Variants in PSD4 observed in about 807,000 individuals in gnomAD.
PSD4 encodes pleckstrin and Sec7 domain containing 4.
PSD4 carries 59 observed loss-of-function variants against 112.5 expected under a neutral mutation model. That is an observed-to-expected ratio of 0.52 (90% confidence interval 0.43 to 0.65). The LOEUF is 0.65. Among genes scored for constraint, PSD4 ranks in the 30% least tolerant of loss-of-function variants. The pLI, the probability that PSD4 is intolerant of heterozygous loss-of-function variation, is 0.00. For missense variants in PSD4, 1,267 were observed against 1,352.6 expected, an observed-to-expected ratio of 0.94 and a Z score of 0.99; for synonymous variants, 533 against 540.0, an observed-to-expected ratio of 0.99 and a Z score of 0.18.
In PSD4 at chr2:113,193,873, C is replaced by A; in HGVS notation, c.2106C>A (p.Ser702Arg). ...CGTGGCTACAGAACATTGGGAAGAG[C>A]ATGAGCTGCCAGGAATTCATAACCA... ...TDLHGQNIGKSMSCQEFITNL... is the reference protein window; with the variant it reads ...TDLHGQNIGKRMSCQEFITNL... The change falls in exon 10 of 17, where the codon AGC becomes AGA. Residue 702 changes from serine (S) to arginine (R), a missense_variant. Physicochemically the swap from Ser to Arg is moderately radical, Grantham distance 110. Transcript: ENST00000245796. 6.2e-7 allele frequency: 1 copy of A among 1,614,076 alleles called. No homozygotes were observed. The highest frequency in any genetic ancestry group is 8.5e-7 in the Non-Finnish European group (1 of 1,179,988).
rs949909891 is a variant in PSD4 at position 113,198,114 on chromosome 2, C to G, written c.2624+201C>G. The G allele has an allele frequency of 1.7e-5, 11 of 631,696 alleles. No individual in the cohort carries two copies. The East Asian group carries it at 3.3e-4, about 19-fold the overall frequency. The allele number at this position is 631,696 out of a possible 1,614,324, so 39.1% of individuals were successfully genotyped here. ...AGCCCAGGCATCGCCTACTTCCTCC[C>G]CATCCTTGGCCAACTTTGCCAGCAC... On this transcript the variant is annotated intron_variant, in intron 14 of 16. Transcript: ENST00000245796.
intron 9 of PSD4, 79 bp from the exon 10 acceptor site, chr2:113,193,780 T>C (rs773706708): frequency 1.1e-4 from 176 of 1,568,570 alleles, no homozygotes; most frequent in Non-Finnish European, 1.5e-4. Context: ...CTGGAAAGGG[T>C]TCCATGGTTG....
chr2:113,182,717 C>T lies in PSD4; in HGVS notation c.261C>T (p.Cys87=). 1.9e-6 allele frequency: 3 copies of T among 1,604,172 alleles called. No homozygotes were observed. Among genetic ancestry groups the T allele is most frequent in the Non-Finnish European group, 2.6e-6 (3 of 1,173,644 alleles). The change falls in exon 2 of 17, where the codon TGC becomes TGT. Residue 87 remains cysteine, a synonymous_variant. Transcript: ENST00000245796. The part of the protein sequence containing the change: ...SWVHQDGLEP[C]QEQTRATDPP... ...TCCATCAGGACGGGCTGGAGCCTTG[C>T]CAGGAGCAAACCCGGGCCACTGACC... is the stretch of plus-strand genomic sequence containing the variant.
chr2:113,186,367 T>A, intron 5 of PSD4, 112 bp downstream of exon 5: 1 of 1,196,730 alleles, frequency 8.4e-7, no homozygotes. Flanking sequence ...TACCCATATT[T>A]ATTAAGCAAG....
chr2:113,197,988 C>T (rs1688661200), intron 14 of PSD4, 75 bp downstream of exon 14: 3 of 1,420,526 alleles, frequency 2.1e-6, no homozygotes, highest in Admixed American at 2.9e-5. Flanking sequence ...CCTGCTGACA[C>T]CTGAGGCTTG....
rs1244820369 is a variant in PSD4 at position 113,206,493 on chromosome 2, G to C, written c.*5078G>C. Reference sequence around the variant, plus strand: ...CAGACCCTGCACCCAGGCTCAGCCTGATCTTGCCCCAGTGGCCAGGCCCTT... The same window carrying C: ...CAGACCCTGCACCCAGGCTCAGCCTCATCTTGCCCCAGTGGCCAGGCCCTT... On this transcript the variant is annotated 3_prime_UTR_variant, in exon 17 of 17. Transcript: ENST00000245796. 6.6e-6 allele frequency: 1 copy of C among 152,296 alleles called. No individual in the cohort carries two copies. Among genetic ancestry groups the C allele is most frequent in the Non-Finnish European group, 1.5e-5 (1 of 68,068 alleles). 9.4% of individuals were successfully genotyped at this position (152,296 alleles called of 1,614,324 possible).
intron 5 of PSD4, among the ~76,000 whole-genome samples, chr2:113,190,882 T>C (rs1688425531): frequency 6.6e-6 from 1 of 152,280 alleles, no homozygotes; most frequent in Non-Finnish European, 1.5e-5. Context: ...CTATAAGATT[T>C]AAATAAACTT....
rs1342504495 is a variant in PSD4, at chr2:113,183,069, C to A, written c.613C>A (p.Pro205Thr). ...CGGGGACACGGGCCTGCACTCCAGC[C>A]CACCTGAGAATGAAGACTCAGGGGA... ...LPGDTGLHSS[P>T]PENEDSGEDS... The change falls in exon 2 of 17, where the codon CCA (proline) becomes ACA (threonine). Residue 205 changes from proline (P) to threonine (T), a missense_variant. Coordinates refer to ENST00000245796, the MANE Select transcript of PSD4 (RefSeq NM_012455.3). 1 of 1,612,782 alleles carries A rather than the reference C, an allele frequency of 6.2e-7. No individual in the cohort carries two copies. The highest frequency in any genetic ancestry group is 1.1e-5 in the South Asian group (1 of 90,974).
intron 1 of PSD4, among the ~76,000 whole-genome samples, chr2:113,176,691 GA>G (rs1357613385): frequency 6.6e-6 from 1 of 152,224 alleles, no homozygotes; most frequent in African/African-American, 2.4e-5. Flanking sequence ...TTCTGGTTGG[GA>G]TAACAGACAG....
Position 113,182,477 on chromosome 2 carries a change from C to A in PSD4, c.21C>A (p.Leu7=), listed in dbSNP as rs760367781. 6.2e-7 allele frequency: 1 copy of A among 1,612,294 alleles called. No individual in the cohort carries two copies. Among genetic ancestry groups the A allele is most frequent in the Admixed American group, 1.7e-5 (1 of 59,902 alleles). ...AGTGGATGATGGGTGACTACAGACTCCCTGACCACCCCCAGCCCATGGAAA... is the reference window on the plus strand; with the variant it reads ...AGTGGATGATGGGTGACTACAGACTACCTGACCACCCCCAGCCCATGGAAA... MMGDYR[L]PDHPQPMEIL... The change falls in exon 2 of 17, where the codon CTC becomes CTA. Residue 7 remains leucine (L), a synonymous_variant. Coordinates refer to ENST00000245796, the MANE Select transcript of PSD4 (RefSeq NM_012455.3).
intron 2 of PSD4, among the ~76,000 whole-genome samples, 171 bp from the exon 3 acceptor site, chr2:113,184,786 A>G (rs1007508256): frequency 6.6e-6 from 1 of 151,912 alleles, no homozygotes; most frequent in Non-Finnish European, 1.5e-5. Flanking sequence ...TGGGGCTATC[A>G]CCCTCCCTAA....
At chr2:113,174,624 T>C (rs965396515) in intron 1 of PSD4, among the ~76,000 whole-genome samples, 1 of 152,098 alleles carries the variant, frequency 6.6e-6, no homozygotes, top group Non-Finnish European at 1.5e-5. Context: ...CATCTTGCCT[T>C]CCAGGACCAT....
chr2:113,178,389 T>C (rs904269541), intron 1 of PSD4, among the ~76,000 whole-genome samples: 1 of 151,594 alleles, frequency 6.6e-6, no homozygotes, highest in African/African-American at 2.4e-5. Context: ...TGCTCTCTTC[T>C]CTTTGCTCGG....
At position 113,186,095 on chromosome 2, in the gene PSD4, T is replaced by C. The variant is rs139453780; in HGVS notation, c.1468T>C (p.Ser490Pro). The change falls in exon 5 of 17, where the codon TCT becomes CCT. Residue 490 changes from serine to proline, a missense_variant. Ser to Pro is a moderately conservative substitution (Grantham distance 74, BLOSUM62 -1). Transcript: ENST00000245796. ...LPKWTLDASQ[S>P]SLLETDGEQP... The stretch of plus-strand genomic sequence containing the variant: ...CAAGTGGACACTAGATGCTTCACAG[T>C]CTTCACTCTTGGAGACGGATGGGGA... 1.2e-4 allele frequency: 186 copies of C among 1,613,994 alleles called. No homozygotes were observed. Among genetic ancestry groups the C allele is most frequent in the Non-Finnish European group, 1.4e-4 (168 of 1,180,032 alleles).
At chr2:113,195,865 CAGAT>C in intron 11 of PSD4, 95 bp downstream of exon 11, 2 of 1,516,720 alleles carry the variant, frequency 1.3e-6, no homozygotes, top group Non-Finnish European at 1.8e-6. Context: ...TAGAGAAACT[CAGAT>C]AGTGCTCCCC....
rs201992038 is a variant in PSD4, at chr2:113,193,883, C to G, written c.2116C>G (p.Gln706Glu). ...GAACATTGGGAAGAGCATGAGCTGC[C>G]AGGAATTCATAACCAACCTGAATGG... ...GQNIGKSMSC[Q>E]EFITNLNGLR... Residue 706 changes from glutamine to glutamate, a missense_variant, in exon 10 of 17, where the codon CAG becomes GAG. This residue lies in a region of PSD4 where 544 missense variants were observed against 648.6 expected (regional missense o/e 0.84). Coordinates refer to ENST00000245796, the MANE Select transcript of PSD4 (RefSeq NM_012455.3). 1 of 1,614,096 alleles carries G rather than the reference C, an allele frequency of 6.2e-7. No individual in the cohort carries two copies. The highest frequency in any genetic ancestry group is 1.3e-5 in the African/African-American group (1 of 75,026).
In PSD4 at chr2:113,205,765, A is replaced by T. The variant is rs1020331156; in HGVS notation, c.*4350A>T. The stretch of plus-strand genomic sequence containing the variant: ...TTATTTCAAAATAAATACAAAAAGA[A>T]AAAAAGGCAATATCCCAGAACCTTG... On this transcript the variant is annotated 3_prime_UTR_variant, in exon 17 of 17. Coordinates refer to ENST00000245796, the MANE Select transcript of PSD4 (RefSeq NM_012455.3). The T allele has an allele frequency of 6.6e-6, 1 of 152,234 alleles. No homozygotes were observed. The highest frequency in any genetic ancestry group is 6.5e-5 in the Admixed American group (1 of 15,292). The allele number at this position is 152,234 out of a possible 1,614,324, so 9.4% of individuals were successfully genotyped here.
At chr2:113,175,136 C>G (rs1573343187) in intron 1 of PSD4, 1 of 152,210 alleles carries the variant, frequency 6.6e-6, no homozygotes, top group East Asian at 1.9e-4. Context: ...GGTGAGAGGA[C>G]CCAGGGAGGA....
At chr2:113,185,640 C>A (rs1424129477) in intron 4 of PSD4, 200 bp downstream of exon 4, 1 of 1,547,796 alleles carries the variant, frequency 6.5e-7, no homozygotes, top group Non-Finnish European at 8.7e-7. Flanking sequence ...GCATTTCTTA[C>A]CGCTGGGTCT....
Sources: gnomAD v4.1 joint callset for allele counts (sites outside exome capture counted in the v4.1 genomes callset) on GRCh38, gnomAD v4.1.1 for gene constraint, gnomAD v4.1.1 regional missense constraint, MANE v1.5 for transcripts, NCBI Gene and HGNC (gene_info 2026-07-23, HGNC 2026-07-21) for gene names.